Variants in CADPS2 observed in about 807,000 individuals in gnomAD.
CADPS2 encodes calcium dependent secretion activator 2, also known as calcium-dependent secretion activator 2.
CADPS2 carries 93 observed loss-of-function variants against 172.5 expected under a neutral mutation model. That is an observed-to-expected ratio of 0.54 (90% CI 0.46 to 0.64). The LOEUF is 0.64. Ranked by LOEUF, CADPS2 falls within the 30% of genes least tolerant of loss-of-function variation. The pLI is 0.00. For synonymous variants in CADPS2, 546 were observed against 555.2 expected, an observed-to-expected ratio of 0.98 and a Z score of 0.23; for missense variants, 1,420 against 1,565.9, an observed-to-expected ratio of 0.91 and a Z score of 1.57.
intron 2 of CADPS2, among the ~76,000 whole-genome samples, chr7:122,684,226 TG>T (rs1275251827): frequency 6.6e-6 from 1 of 152,158 alleles, no homozygotes; most frequent in Non-Finnish European, 1.5e-5. Context: ...TATCATTATA[TG>T]TCGTTTCACT....
intron 8 of CADPS2, among the ~76,000 whole-genome samples, chr7:122,529,413 A>T (rs796174928): frequency 6.6e-6 from 1 of 152,128 alleles, no homozygotes; most frequent in Admixed American, 6.6e-5. Context: ...CCCTAATTTT[A>T]CAACTATTAT....
chr7:122,750,155 T>C (rs2092890631), intron 1 of CADPS2, among the ~76,000 whole-genome samples: 1 of 152,130 alleles, frequency 6.6e-6, no homozygotes, highest in African/African-American at 2.4e-5. Context: ...GACTATTGTA[T>C]GCTACACTGC....
chr7:122,550,452 C>G (rs1383350329), intron 8 of CADPS2, among the ~76,000 whole-genome samples: 1 of 152,086 alleles, frequency 6.6e-6, no homozygotes, highest in Non-Finnish European at 1.5e-5. Flanking sequence ...TTACGAAACT[C>G]TATTTTTACT....
At chr7:122,646,136 C>T (rs2078526848) in intron 3 of CADPS2, among the ~76,000 whole-genome samples, 2 of 151,958 alleles carry the variant, frequency 1.3e-5, no homozygotes, top group Admixed American at 6.6e-5. Context: ...ACAGCACTTG[C>T]ATACCAAAAA....
At chr7:122,748,115 C>T (rs1031308379) in intron 1 of CADPS2, among the ~76,000 whole-genome samples, 1 of 152,130 alleles carries the variant, frequency 6.6e-6, no homozygotes, top group Non-Finnish European at 1.5e-5. Flanking sequence ...TCACCATTCA[C>T]TATTACTTTT....
In CADPS2 at chr7:122,535,376, A is replaced by G. The variant is rs141846460; in HGVS notation, c.1475+19174T>C. Among the ~76,000 whole-genome samples, 3 of 152,178 alleles carry G rather than the reference A, an allele frequency of 2.0e-5. No individual in the cohort carries two copies. The East Asian group carries it at 5.8e-4, about 29-fold the overall frequency. On this transcript the variant is annotated intron_variant, in intron 8 of 29. Transcript: ENST00000449022. ...AGTGTTGTAAGAACTAAATAAGAAT[A>G]TTATTTAATGTGATAGATTCTTCAA...
intron 6 of CADPS2, among the ~76,000 whole-genome samples, chr7:122,601,024 A>C (rs1180040175): frequency 6.6e-6 from 1 of 152,096 alleles, no homozygotes; most frequent in African/African-American, 2.4e-5. Flanking sequence ...AATGTGGATA[A>C]TGATAGGTTA....
chr7:122,563,426 C>T (rs2066001685), intron 7 of CADPS2, among the ~76,000 whole-genome samples: 1 of 152,042 alleles, frequency 6.6e-6, no homozygotes, highest in Non-Finnish European at 1.5e-5. Context: ...AAATCAATTC[C>T]CACATCACCC....
intron 2 of CADPS2, among the ~76,000 whole-genome samples, chr7:122,686,239 G>A (rs1404889068): frequency 2.6e-5 from 4 of 152,168 alleles, no homozygotes; most frequent in Non-Finnish European, 5.9e-5. Context: ...TGACAGTTGT[G>A]ATAGTGGTAG....
At chr7:122,507,596 C>A (rs564517934) in intron 9 of CADPS2, among the ~76,000 whole-genome samples, 1 of 152,068 alleles carries the variant, frequency 6.6e-6, no homozygotes, top group African/African-American at 2.4e-5. Flanking sequence ...CTCTAAGACA[C>A]GGTTATGAGT....
At chr7:122,673,995 G>A (rs963866946) in intron 2 of CADPS2, among the ~76,000 whole-genome samples, 1 of 152,180 alleles carries the variant, frequency 6.6e-6, no homozygotes, top group Non-Finnish European at 1.5e-5. Flanking sequence ...CTGAGGCCCA[G>A]TGAGAACTCC....
chr7:122,670,988 C>T (rs1004369994), intron 2 of CADPS2, among the ~76,000 whole-genome samples: 2 of 152,076 alleles, frequency 1.3e-5, no homozygotes, highest in Non-Finnish European at 2.9e-5. Context: ...TTGTCTACCT[C>T]ACCATCCCCT....
intron 7 of CADPS2, among the ~76,000 whole-genome samples, chr7:122,575,633 C>T (rs1355131444): frequency 1.3e-5 from 2 of 151,978 alleles, no homozygotes; most frequent in Non-Finnish European, 2.9e-5. Context: ...GATGAGGTTT[C>T]ACCATGTTGG....
chr7:122,772,296 AG>A (rs1419474092), intron 1 of CADPS2, among the ~76,000 whole-genome samples: 1 of 152,230 alleles, frequency 6.6e-6, no homozygotes, highest in East Asian at 1.9e-4. Flanking sequence ...AACGGTTCAT[AG>A]TAAAAATGTG....
intron 2 of CADPS2, among the ~76,000 whole-genome samples, chr7:122,713,953 C>A (rs2089199732): frequency 6.6e-6 from 1 of 152,186 alleles, no homozygotes; most frequent in South Asian, 2.1e-4. Context: ...TCTGCTGGCA[C>A]AATATTTTTC....
At chr7:122,399,572 G>C (rs2045616304) in intron 20 of CADPS2, among the ~76,000 whole-genome samples, 1 of 145,462 alleles carries the variant, frequency 6.9e-6, no homozygotes, top group South Asian at 2.3e-4. Flanking sequence ...TCTAATCTTT[G>C]AGTTAATGTC....
At chr7:122,554,123 T>C (rs749623841) in intron 8 of CADPS2, among the ~76,000 whole-genome samples, 1 of 151,792 alleles carries the variant, frequency 6.6e-6, no homozygotes, top group Non-Finnish European at 1.5e-5. Context: ...TGTTAAAATG[T>C]ATATAGCCTC....
chr7:122,516,877 ATGTCTTCC>A (rs1483217551), intron 8 of CADPS2, among the ~76,000 whole-genome samples: 1 of 152,042 alleles, frequency 6.6e-6, no homozygotes, highest in East Asian at 1.9e-4. Flanking sequence ...TATATTGGCC[ATGTCTTCC>A]TTTTATTGTT....
chr7:122,527,847 A>G (rs1273493299), intron 8 of CADPS2, among the ~76,000 whole-genome samples: 2 of 152,048 alleles, frequency 1.3e-5, no homozygotes, highest in Non-Finnish European at 2.9e-5. Context: ...AAGTATTGGG[A>G]ATGGAGAATA....
Sources: gnomAD v4.1 joint callset for allele counts (sites outside exome capture counted in the v4.1 genomes callset) on GRCh38, gnomAD v4.1.1 for gene constraint, MANE v1.5 for transcripts, NCBI Gene and HGNC (gene_info 2026-07-23, HGNC 2026-07-21) for gene names.